C12orf56: variants seen among roughly 807,000 people sequenced by gnomAD.
C12orf56 encodes the protein chromosome 12 open reading frame 56, also known as uncharacterized protein C12orf56.
A neutral mutation model predicts 69.9 loss-of-function variants in C12orf56; 71 were observed. That is an observed-to-expected ratio of 1.02 (90% CI 0.84 to 1.24). C12orf56 has a LOEUF of 1.24. Ranked by LOEUF, C12orf56 falls within the 50% of genes most tolerant of loss-of-function variation. The pLI is 0.00. For synonymous variants in C12orf56, 276 were observed against 274.1 expected (o/e 1.01, Z -0.07); for missense variants, 732 against 738.5 (o/e 0.99, Z 0.10).
chr12:64,332,895 T>C lies in C12orf56; in HGVS notation c.416-1863A>G, dbSNP rs573033424. Among the ~76,000 whole-genome samples the C allele has an allele frequency of 4.6e-5, 7 of 152,318 alleles. No homozygotes were observed. In the South Asian group the frequency reaches 1.5e-3, roughly 32 times the overall value. ...CTATTTGGCCCTTTTGCTTCCCTTT[T>C]GATTCCCTAGGAGACTCCAAAATCT... On this transcript the variant is annotated intron_variant, in intron 2 of 12. Transcript: ENST00000543942.
chr12:64,384,564 C>T (rs768976896), intron 1 of C12orf56, among the ~76,000 whole-genome samples: 3 of 152,122 alleles, frequency 2.0e-5, no homozygotes, highest in Non-Finnish European at 2.9e-5. Flanking sequence ...TGCATTTGTT[C>T]TAGTTCAAGA....
At chr12:64,353,304 T>C (rs2039260120) in intron 1 of C12orf56, among the ~76,000 whole-genome samples, 1 of 151,764 alleles carries the variant, frequency 6.6e-6, no homozygotes, top group Non-Finnish European at 1.5e-5. Flanking sequence ...ATTACAGACA[T>C]GAGCCACCAC....
At chr12:64,372,546 G>T (rs113094276) in intron 1 of C12orf56, among the ~76,000 whole-genome samples, 92 of 152,086 alleles carry the variant, frequency 6.0e-4, no homozygotes, top group Non-Finnish European at 7.8e-4. Flanking sequence ...ACAGAGTCTC[G>T]CTCTGTTGTC....
intron 12 of C12orf56, among the ~76,000 whole-genome samples, chr12:64,267,934 G>A (rs906157946): frequency 1.2e-4 from 18 of 151,962 alleles, no homozygotes; most frequent in Non-Finnish European, 1.5e-4. Flanking sequence ...GATGTGTTTC[G>A]GATTTCAGAT....
intron 2 of C12orf56, among the ~76,000 whole-genome samples, chr12:64,333,713 G>T (rs560865216): frequency 6.6e-6 from 1 of 152,230 alleles, no homozygotes; most frequent in African/African-American, 2.4e-5. Context: ...CTTTGTCCAG[G>T]CTGGTCTCAA....
chr12:64,332,250 C>T (rs1055924070), intron 2 of C12orf56, among the ~76,000 whole-genome samples: 1 of 142,732 alleles, frequency 7.0e-6, no homozygotes, highest in Non-Finnish European at 1.5e-5. Flanking sequence ...TTGCAGTGAC[C>T]CAAGATTGTA....
Position 64,266,622 on chromosome 12 carries a change from T to C in C12orf56, c.*561A>G. On this transcript the variant is annotated 3_prime_UTR_variant, in exon 13 of 13. Transcript: ENST00000543942. ...CGAAATAATGGTTTTTGGATGGCTC[T>C]GAGTACAGAATCGGGTGAAGAGCAT... is the stretch of plus-strand genomic sequence containing the variant. 2 of 734,276 alleles carry C rather than the reference T, an allele frequency of 2.7e-6. No homozygotes were observed. Among genetic ancestry groups the C allele is most frequent in the Non-Finnish European group, 1.9e-6 (1 of 518,448 alleles). The allele number at this position is 734,276 out of a possible 1,614,324, so 45.5% of individuals were successfully genotyped here.
At position 64,318,890 on chromosome 12, in the gene C12orf56, G is replaced by T. The variant is rs1565754126; in HGVS notation, c.579C>A (p.Ala193=). The change falls in exon 4 of 13, where the codon GCC becomes GCA. Residue 193 remains alanine, a synonymous_variant. Transcript: ENST00000543942. ...TGGAGGGGGAAGGTAGGGGTCGAAA[G>T]GCACCTTGGCCATGAAGGGACAGCT... The part of the protein sequence containing the change: ...LKKLSLHGQG[A]FRPLPSPSRR... 1 of 1,537,216 alleles carries T rather than the reference G, an allele frequency of 6.5e-7. No individual in the cohort carries two copies. Among genetic ancestry groups the T allele is most frequent in the Middle Eastern group, 1.7e-4 (1 of 5,990 alleles).
At chr12:64,341,404 C>T (rs2039072430) in intron 2 of C12orf56, among the ~76,000 whole-genome samples, 1 of 152,054 alleles carries the variant, frequency 6.6e-6, no homozygotes, top group South Asian at 2.1e-4. Context: ...AGAACTCTGC[C>T]CCAGCCCTGC....
chr12:64,313,467 A>G (rs1278817361), intron 4 of C12orf56, among the ~76,000 whole-genome samples: 1 of 151,830 alleles, frequency 6.6e-6, no homozygotes, highest in Non-Finnish European at 1.5e-5. Context: ...GGATCAAAAG[A>G]GTCCAGGAGT....
At chr12:64,319,047 G>A in intron 3 of C12orf56, 67 bp from the exon 4 acceptor site, 1 of 1,355,338 alleles carries the variant, frequency 7.4e-7, no homozygotes, top group Non-Finnish European at 9.7e-7. Flanking sequence ...AAGAGAACCG[G>A]TAGTTTAAGA....
In C12orf56 at chr12:64,390,446, G is replaced by A. The variant is rs544605659; in HGVS notation, c.120C>T (p.Ile40=). The change falls in exon 1 of 13, where the codon ATC becomes ATT. Residue 40 remains isoleucine, a synonymous_variant. Coordinates refer to ENST00000543942, the MANE Select transcript of C12orf56 (RefSeq NM_001170633.2). ...YDAVRAYEPC[I]VVSNSENHIL... ...TGTGGTTCTCAGAGTTGGACACCACGATGCATGGCTCGTAGGCGCGGACCG... is the reference window on the plus strand; with the variant it reads ...TGTGGTTCTCAGAGTTGGACACCACAATGCATGGCTCGTAGGCGCGGACCG... The A allele has an allele frequency of 1.2e-6, 2 of 1,611,356 alleles. No individual in the cohort carries two copies. The highest frequency in any genetic ancestry group is 1.3e-5 in the African/African-American group (1 of 75,048).
At chr12:64,277,642 A>ATG in intron 9 of C12orf56, 38 bp downstream of exon 9, 1 of 1,255,944 alleles carries the variant, frequency 8.0e-7, no homozygotes, top group South Asian at 2.7e-5. Context: ...CTATATATAT[A>ATG]TATATATAAT....
chr12:64,336,509 G>A (rs1592464825), intron 2 of C12orf56, among the ~76,000 whole-genome samples: 1 of 152,056 alleles, frequency 6.6e-6, no homozygotes, highest in Non-Finnish European at 1.5e-5. Flanking sequence ...TTATGCTTGT[G>A]GACAAGGATA....
intron 12 of C12orf56, among the ~76,000 whole-genome samples, chr12:64,270,086 C>T (rs545301777): frequency 1.9e-4 from 29 of 151,912 alleles, no homozygotes; most frequent in African/African-American, 7.0e-4. Context: ...TTTCACAGAT[C>T]AAAGTGAAAT....
chr12:64,270,970 AGCC>A (rs1592407107), intron 11 of C12orf56, among the ~76,000 whole-genome samples: 2 of 152,092 alleles, frequency 1.3e-5, no homozygotes, highest in East Asian at 3.9e-4. Context: ...GTTCGAGATC[AGCC>A]TGACCAACAT....
chr12:64,338,789 G>T, intron 2 of C12orf56: 1 of 1,297,292 alleles, frequency 7.7e-7, no homozygotes, highest in Non-Finnish European at 1.1e-6. Flanking sequence ...ATTGCTGAGA[G>T]CCATGGTGAG....
chr12:64,370,161 A>G (rs1307658768), intron 1 of C12orf56, among the ~76,000 whole-genome samples: 13 of 151,810 alleles, frequency 8.6e-5, no homozygotes, highest in Admixed American at 2.6e-4. Context: ...CCTGGCCAAC[A>G]TAGCAAAACC....
In C12orf56 at chr12:64,390,322, T is replaced by C; in HGVS notation, c.244A>G (p.Ile82Val). ...RVVALRDVVA[I>V]DLIDDYPEFL... ...CCACCCGCGCCGCTCACCAGGTCAATGGCCACGACGTCCCGCAGAGCCACT... is the reference window on the plus strand; with the variant it reads ...CCACCCGCGCCGCTCACCAGGTCAACGGCCACGACGTCCCGCAGAGCCACT... The change falls in exon 1 of 13, where the codon ATT becomes GTT. Residue 82 changes from isoleucine (I) to valine (V), a missense_variant. Ile to Val is a conservative substitution (Grantham distance 29). Coordinates refer to ENST00000543942, the MANE Select transcript of C12orf56 (RefSeq NM_001170633.2). 1 of 1,608,732 alleles carries C rather than the reference T, an allele frequency of 6.2e-7. No homozygotes were observed. The highest frequency in any genetic ancestry group is 1.1e-5 in the South Asian group (1 of 90,908).
Sources: gnomAD v4.1 joint callset for allele counts (sites outside exome capture counted in the v4.1 genomes callset) on GRCh38, gnomAD v4.1.1 for gene constraint, MANE v1.5 for transcripts, NCBI Gene and HGNC (gene_info 2026-07-23, HGNC 2026-07-21) for gene names.